The following FAF1 variants were observed in gnomAD, a reference collection of about 807,000 sequenced individuals.
FAF1 encodes the protein FAS-associated factor 1.
Under a neutral mutation model 92.5 loss-of-function variants are expected in FAF1, and 25 were observed. That is an observed-to-expected ratio of 0.27 (90% confidence interval 0.20 to 0.38). The LOEUF (loss-of-function observed/expected upper bound fraction) is 0.38. FAF1 is among the 10% of genes least tolerant of loss of function. The pLI, the probability that FAF1 is intolerant of heterozygous loss-of-function variation, is 1.00. For synonymous variants in FAF1, 234 were observed against 273.2 expected, an observed-to-expected ratio of 0.86 and a Z score of 1.42; for missense variants, 636 against 793.3, an observed-to-expected ratio of 0.80 and a Z score of 2.38.
intron 18 of FAF1, among the ~76,000 whole-genome samples, chr1:50,456,938 C>T (rs1057005012): frequency 1.3e-5 from 2 of 152,142 alleles, no homozygotes; most frequent in African/African-American, 4.8e-5. Flanking sequence ...AAATGTATAT[C>T]TTACCTTCAC....
At chr1:50,786,023 C>G (rs1661349968) in intron 4 of FAF1, among the ~76,000 whole-genome samples, 1 of 151,958 alleles carries the variant, frequency 6.6e-6, no homozygotes, top group Non-Finnish European at 1.5e-5. Flanking sequence ...AGTCCTGCTA[C>G]TCAGGAGGCC....
intron 1 of FAF1, among the ~76,000 whole-genome samples, chr1:50,861,167 A>G (rs1369318073): frequency 6.6e-6 from 1 of 151,846 alleles, no homozygotes; most frequent in African/African-American, 2.4e-5. Flanking sequence ...ATCACACAAT[A>G]TATCTAGGTA....
chr1:50,806,112 A>C (rs183690639), intron 2 of FAF1, among the ~76,000 whole-genome samples: 289 of 152,320 alleles, frequency 1.9e-3, no homozygotes, highest in Middle Eastern at 6.8e-3. Context: ...TATTTATAAT[A>C]CATGTATCTG....
At chr1:50,843,615 T>C (rs894588750) in intron 2 of FAF1, among the ~76,000 whole-genome samples, 1 of 152,202 alleles carries the variant, frequency 6.6e-6, no homozygotes, top group Admixed American at 6.5e-5. Flanking sequence ...AGCTCTCACA[T>C]ATAAGAACAT....
chr1:50,441,238 T>G lies in FAF1; in HGVS notation c.*202A>C. On this transcript the variant is annotated 3_prime_UTR_variant, in exon 19 of 19. Transcript: ENST00000396153. ...GTGGCAGAGTTGTAATTCTCTGTAA[T>G]AAGGGTTGGGAATATATACTCATGG... 2.1e-6 allele frequency: 1 copy of G among 465,218 alleles called. No individual in the cohort carries two copies. The highest frequency in any genetic ancestry group is 3.8e-6 in the Non-Finnish European group (1 of 261,892). The allele number at this position is 465,218 out of a possible 1,614,324, so 28.8% of individuals were successfully genotyped here. A position where few individuals can be genotyped will look rare whatever the true frequency, so the allele number is the denominator to read the frequency against.
chr1:50,751,574 C>A (rs1480719178), intron 4 of FAF1, among the ~76,000 whole-genome samples: 2 of 152,182 alleles, frequency 1.3e-5, no homozygotes, highest in Non-Finnish European at 2.9e-5. Flanking sequence ...GAACTCCTGA[C>A]CTCATGATCC....
chr1:50,958,418 C>T (rs1645287435), intron 1 of FAF1, among the ~76,000 whole-genome samples: 1 of 152,158 alleles, frequency 6.6e-6, no homozygotes, highest in South Asian at 2.1e-4. Flanking sequence ...TGGCTCACGC[C>T]TGTAATCCCA....
intron 7 of FAF1, among the ~76,000 whole-genome samples, chr1:50,661,836 T>C (rs1038294367): frequency 6.6e-6 from 1 of 152,106 alleles, no homozygotes; most frequent in African/African-American, 2.4e-5. Context: ...TCTGAACACA[T>C]ACTTCATACC....
chr1:50,846,508 C>T, intron 2 of FAF1: 1 of 495,096 alleles, frequency 2.0e-6, no homozygotes. Flanking sequence ...GAAAGCCATG[C>T]CGCGGCCAGA....
At chr1:50,651,044 T>G (rs1272776201) in intron 8 of FAF1, among the ~76,000 whole-genome samples, 1 of 152,100 alleles carries the variant, frequency 6.6e-6, no homozygotes, top group African/African-American at 2.4e-5. Flanking sequence ...TGTAAATGAG[T>G]GTTGACTTCA....
chr1:50,700,138 C>T (rs999636106), intron 7 of FAF1, among the ~76,000 whole-genome samples: 5 of 151,976 alleles, frequency 3.3e-5, no homozygotes, highest in Non-Finnish European at 5.9e-5. Context: ...TCTTTTCTCC[C>T]TTTCATACCC....
At chr1:50,669,004 A>T (rs1397557231) in intron 7 of FAF1, among the ~76,000 whole-genome samples, 2 of 152,176 alleles carry the variant, frequency 1.3e-5, no homozygotes, top group African/African-American at 4.8e-5. Context: ...AAAGGACATT[A>T]AAAAACCGCC....
chr1:50,609,543 T>A (rs1652596554), intron 8 of FAF1, among the ~76,000 whole-genome samples: 2 of 152,100 alleles, frequency 1.3e-5, no homozygotes, highest in Admixed American at 1.3e-4. Context: ...TGCCACCACA[T>A]CTGGCCAACT....
rs1570075014 is a variant in FAF1 at position 50,867,380 on chromosome 1, T to C, written c.46-9383A>G. ...AGCTTCTGCACAGGAAAAGAAACAA[T>C]CAGCAGCATAAACTGACAACCCACA... is the stretch of plus-strand genomic sequence containing the variant. On this transcript the variant is annotated intron_variant, in intron 1 of 18. Coordinates refer to ENST00000396153, the MANE Select transcript of FAF1 (RefSeq NM_007051.3). Among the ~76,000 whole-genome samples the C allele has an allele frequency of 2.0e-5, 3 of 152,056 alleles. 1 individual carries two copies. The highest frequency in any genetic ancestry group is 2.0e-4 in the Admixed American group (3 of 15,258).
chr1:50,889,619 T>G (rs551336028), intron 1 of FAF1, among the ~76,000 whole-genome samples: 9 of 152,388 alleles, frequency 5.9e-5, no homozygotes, highest in East Asian at 1.9e-4. Flanking sequence ...CATTTCGTTA[T>G]GTACCCAGTA....
At chr1:50,845,519 A>T (rs1644291135) in intron 2 of FAF1, among the ~76,000 whole-genome samples, 1 of 152,022 alleles carries the variant, frequency 6.6e-6, no homozygotes, top group Non-Finnish European at 1.5e-5. Flanking sequence ...CAGTCTGTCC[A>T]TGCACAGAGG....
chr1:50,870,473 G>C (rs1345869385), intron 1 of FAF1, among the ~76,000 whole-genome samples: 1 of 152,164 alleles, frequency 6.6e-6, no homozygotes, highest in Non-Finnish European at 1.5e-5. Context: ...AAAAAAGAAA[G>C]AAAAAATTAG....
chr1:50,502,090 T>C (rs976127122), intron 15 of FAF1, among the ~76,000 whole-genome samples: 2 of 152,174 alleles, frequency 1.3e-5, no homozygotes, highest in Non-Finnish European at 2.9e-5. Context: ...CTATTTATCA[T>C]CATAAGATTT....
chr1:50,942,460 A>AGGGAAAGGGAG (rs1054376489), intron 1 of FAF1, among the ~76,000 whole-genome samples: 1 of 151,344 alleles, frequency 6.6e-6, no homozygotes, highest in East Asian at 2.0e-4. Context: ...AGGGGAGGGG[A>AGGGAAAGGGAG]GGGAAAGGGA....
Sources: gnomAD v4.1 joint callset for allele counts (sites outside exome capture counted in the v4.1 genomes callset) on GRCh38, gnomAD v4.1.1 for gene constraint, MANE v1.5 for transcripts, NCBI Gene and HGNC (gene_info 2026-07-23, HGNC 2026-07-21) for gene names.